PALLD: variants seen among roughly 807,000 people sequenced by gnomAD.
The protein encoded by PALLD is palladin, cytoskeletal associated protein.
PALLD carries 61 observed loss-of-function variants against 123.5 expected under a neutral mutation model. The ratio of observed to expected loss-of-function variants is 0.49; its 90% CI spans 0.40 to 0.61. The LOEUF (loss-of-function observed/expected upper bound fraction) is 0.61, where lower values mean the gene tolerates loss of function less well. Among genes scored for constraint, PALLD ranks in the 20% least tolerant of loss-of-function variants. The pLI, the probability that PALLD is intolerant of heterozygous loss-of-function variation, is 0.00. For missense variants in PALLD, 1,273 were observed against 1,377.0 expected (o/e 0.92, Z 1.20); for synonymous variants, 465 against 496.4 (o/e 0.94, Z 0.84).
intron 6 of PALLD, among the ~76,000 whole-genome samples, chr4:168,688,777 C>G (rs972639054): frequency 6.0e-5 from 9 of 151,116 alleles, no homozygotes; most frequent in African/African-American, 2.2e-4. Flanking sequence ...CTTTCCGACA[C>G]TGAAAAAAAA....
intron 2 of PALLD, among the ~76,000 whole-genome samples, chr4:168,560,169 GA>G (rs1767724227): frequency 6.6e-6 from 1 of 152,140 alleles, no homozygotes; most frequent in Admixed American, 6.5e-5. Context: ...TGTTCTTTCT[GA>G]AGACCCATAA....
At chr4:168,666,254 T>A (rs910154534) in intron 2 of PALLD, among the ~76,000 whole-genome samples, 6 of 152,200 alleles carry the variant, frequency 3.9e-5, no homozygotes, top group South Asian at 2.1e-4. Flanking sequence ...TGCATTTTTT[T>A]ATGCTTCATT....
chr4:168,516,567 G>C (rs1763007743), intron 2 of PALLD, among the ~76,000 whole-genome samples: 1 of 151,936 alleles, frequency 6.6e-6, no homozygotes, highest in African/African-American at 2.4e-5. Flanking sequence ...AAGGAGACTG[G>C]GATCAAAAAC....
chr4:168,669,458 G>A (rs1205244872), intron 3 of PALLD, among the ~76,000 whole-genome samples: 1 of 152,112 alleles, frequency 6.6e-6, no homozygotes, highest in Non-Finnish European at 1.5e-5. Flanking sequence ...TGGCCTGGTG[G>A]CGTGTACTTG....
intron 2 of PALLD, among the ~76,000 whole-genome samples, chr4:168,608,326 T>C (rs1237891967): frequency 2.0e-5 from 3 of 152,204 alleles, no homozygotes; most frequent in African/African-American, 7.2e-5. Context: ...GCTCATCCAA[T>C]GAGCCCCCCA....
At chr4:168,768,505 A>G (rs758823292) in intron 10 of PALLD, among the ~76,000 whole-genome samples, 9 of 152,220 alleles carry the variant, frequency 5.9e-5, no homozygotes, top group Non-Finnish European at 4.4e-5. Context: ...TCGTTTCAGA[A>G]AAGTTTCTTA....
At chr4:168,581,307 T>C (rs1580415509) in intron 2 of PALLD, among the ~76,000 whole-genome samples, 2 of 152,070 alleles carry the variant, frequency 1.3e-5, no homozygotes, top group Admixed American at 1.3e-4. Context: ...AGTTCTATTT[T>C]TTTTTTTGAG....
At chr4:168,656,685 A>G (rs1170228969) in intron 2 of PALLD, among the ~76,000 whole-genome samples, 1 of 152,154 alleles carries the variant, frequency 6.6e-6, no homozygotes, top group Non-Finnish European at 1.5e-5. Flanking sequence ...TGGGCAATAT[A>G]TGTTTACCCT....
intron 10 of PALLD, among the ~76,000 whole-genome samples, chr4:168,785,001 G>C (rs2150570700): frequency 6.6e-6 from 1 of 151,460 alleles, no homozygotes; most frequent in Admixed American, 6.6e-5. Flanking sequence ...TTCCAGCCCA[G>C]GGTGGTGTCC....
chr4:168,908,376 G>T (rs1018297226), intron 15 of PALLD, among the ~76,000 whole-genome samples: 1 of 151,968 alleles, frequency 6.6e-6, no homozygotes, highest in Non-Finnish European at 1.5e-5. Context: ...TGCCATTCTG[G>T]AAATGTTTAA....
intron 2 of PALLD, chr4:168,598,723 C>T (rs1384946431): frequency 5.0e-6 from 2 of 400,802 alleles, no homozygotes; most frequent in Admixed American, 3.0e-5. Flanking sequence ...ACCCTTGCCT[C>T]CTATCTGGAC....
intron 10 of PALLD, among the ~76,000 whole-genome samples, chr4:168,760,815 T>G (rs538898045): frequency 6.6e-6 from 1 of 152,226 alleles, no homozygotes; most frequent in Non-Finnish European, 1.5e-5. Context: ...TAGACACTTA[T>G]GCCTATTGTT....
intron 10 of PALLD, among the ~76,000 whole-genome samples, chr4:168,811,930 C>A (rs1465682125): frequency 6.6e-6 from 1 of 151,998 alleles, no homozygotes; most frequent in Non-Finnish European, 1.5e-5. Context: ...GTGAAGGTGA[C>A]AGTCCTACCC....
chr4:168,685,833 A>C (rs1194397255), intron 6 of PALLD, among the ~76,000 whole-genome samples: 4 of 148,898 alleles, frequency 2.7e-5, no homozygotes. Flanking sequence ...AAAAAAAAAA[A>C]AACCTGCTGT....
intron 16 of PALLD, among the ~76,000 whole-genome samples, chr4:168,914,676 C>T (rs1759741074): frequency 6.6e-6 from 1 of 152,192 alleles, no homozygotes; most frequent in Non-Finnish European, 1.5e-5. Context: ...AGTAAGTCAA[C>T]CATCCTGTCA....
chr4:168,737,873 T>A (rs370742031), intron 10 of PALLD, among the ~76,000 whole-genome samples: 44 of 152,330 alleles, frequency 2.9e-4, no homozygotes, highest in South Asian at 1.9e-3. Context: ...ATTGCTGAGA[T>A]GCTGTGGCAG....
chr4:168,654,667 A>G (rs1778381823), intron 2 of PALLD: 1 of 152,204 alleles, frequency 6.6e-6, no homozygotes, highest in Non-Finnish European at 1.5e-5. Context: ...AAATAAAACA[A>G]GGTGTAATTA....
At chr4:168,891,633 G>C (rs1179759383) in intron 11 of PALLD, among the ~76,000 whole-genome samples, 1 of 151,148 alleles carries the variant, frequency 6.6e-6, no homozygotes, top group African/African-American at 2.4e-5. Flanking sequence ...GAAGAAGGAA[G>C]GGCAGATATC....
At chr4:168,670,736 T>G (rs1354214668) in intron 3 of PALLD, among the ~76,000 whole-genome samples, 1 of 83,726 alleles carries the variant, frequency 1.2e-5, no homozygotes, top group Non-Finnish European at 2.1e-5. Flanking sequence ...CGAGACTCCG[T>G]CTCAAAAAAA....
Sources: allele counts gnomAD v4.1 joint callset (sites outside exome capture counted in the v4.1 genomes callset), GRCh38; gene constraint gnomAD v4.1.1; transcripts MANE v1.5; gene names NCBI Gene and HGNC (gene_info 2026-07-23, HGNC 2026-07-21).